The following ZDHHC3 variants were observed in gnomAD, a reference collection of about 807,000 sequenced individuals.
The protein encoded by ZDHHC3 is palmitoyltransferase ZDHHC3.
A neutral mutation model predicts 30.6 loss-of-function variants in ZDHHC3; 9 were observed. The observed-to-expected ratio is 0.29, with a 90% CI of 0.18 to 0.51. The LOEUF is 0.51. ZDHHC3 is among the 20% of genes least tolerant of loss of function. The pLI is 0.97. For synonymous variants in ZDHHC3, 136 were observed against 140.2 expected, an observed-to-expected ratio of 0.97 and a Z score of 0.21; for missense variants, 246 against 384.2, an observed-to-expected ratio of 0.64 and a Z score of 3.01.
intron 1 of ZDHHC3, among the ~76,000 whole-genome samples, chr3:44,965,341 C>A (rs1045647875): frequency 3.9e-5 from 6 of 152,166 alleles, no homozygotes; most frequent in Non-Finnish European, 8.8e-5. Flanking sequence ...GAGTCTGGGG[C>A]TCCATGAGCC....
chr3:44,969,177 C>T (rs1705204379), intron 1 of ZDHHC3, among the ~76,000 whole-genome samples: 1 of 152,190 alleles, frequency 6.6e-6, no homozygotes, highest in African/African-American at 2.4e-5. Flanking sequence ...TCTCATTTGA[C>T]AATGAACTGC....
Position 44,923,288 on chromosome 3 carries a change from G to C in ZDHHC3, c.*3401C>G, listed in dbSNP as rs1271065253. 1 of 944,452 alleles carries C rather than the reference G, an allele frequency of 1.1e-6. No individual in the cohort carries two copies. The highest frequency in any genetic ancestry group is 1.3e-6 in the Non-Finnish European group (1 of 792,884). The allele number at this position is 944,452 out of a possible 1,614,324, so 58.5% of individuals were successfully genotyped here. On this transcript the variant is annotated 3_prime_UTR_variant, in exon 7 of 7. Transcript: ENST00000424952. ...AGACAGGGTTTCACCGTGTTAGCCA[G>C]GATGATCTCGATCTCTTGACCTCGT...
At chr3:44,945,341 C>T in intron 2 of ZDHHC3, 49 bp from the exon 3 acceptor site, 1 of 1,612,478 alleles carries the variant, frequency 6.2e-7, no homozygotes, top group Admixed American at 1.7e-5. Flanking sequence ...GTTCTATCAG[C>T]TCTAACATTC....
rs552299675 is a variant in ZDHHC3, at chr3:44,945,149, C to T, written c.431+19G>A. ...CAGGACAGTGGGAGAAGAGAGGAGG[C>T]GAGCCCCAGTGAGTGTACCTGCAGT... On this transcript the variant is annotated intron_variant, in intron 3 of 6. Coordinates refer to ENST00000424952, the MANE Select transcript of ZDHHC3 (RefSeq NM_001135179.2). The T allele has an allele frequency of 1.7e-5, 27 of 1,613,248 alleles. No homozygotes were observed. The highest frequency in any genetic ancestry group is 6.6e-5 in the South Asian group (6 of 91,016).
chr3:44,925,205 T>C lies in ZDHHC3; in HGVS notation c.*1484A>G. ...AAAATTTTATTGCATTTTGTTTCCA[T>C]GTGGAAGCACTGACAGAATTGAAAA... On this transcript the variant is annotated 3_prime_UTR_variant, in exon 7 of 7. Transcript: ENST00000424952. 1.0e-6 allele frequency: 1 copy of C among 985,900 alleles called. No individual in the cohort carries two copies. The highest frequency in any genetic ancestry group is 1.2e-6 in the Non-Finnish European group (1 of 829,948). The allele number at this position is 985,900 out of a possible 1,614,324, so 61.1% of individuals were successfully genotyped here. A position where few individuals can be genotyped will look rare whatever the true frequency, so the allele number is the denominator to read the frequency against.
Position 44,918,053 on chromosome 3 carries a change from G to T in ZDHHC3, c.*8636C>A. The T allele has an allele frequency of 7.7e-7, 1 of 1,305,430 alleles. No individual in the cohort carries two copies. Among genetic ancestry groups the T allele is most frequent in the Non-Finnish European group, 1.0e-6 (1 of 988,968 alleles). 80.9% of individuals were successfully genotyped at this position (1,305,430 alleles called of 1,614,324 possible). A position where few individuals can be genotyped will look rare whatever the true frequency, so the allele number is the denominator to read the frequency against. The stretch of plus-strand genomic sequence containing the variant: ...CTGGAGAAGGGGTTGAACCAGTTCA[G>T]GGAGAAGTCCCCACCAAAGGTCTCC... On this transcript the variant is annotated 3_prime_UTR_variant, in exon 7 of 7. Transcript: ENST00000424952.
chr3:44,945,251 C>G lies in ZDHHC3; in HGVS notation c.348G>C (p.Glu116Asp), dbSNP rs911957978. Residue 116 changes from glutamate to aspartate, a missense_variant, in exon 3 of 7, where the codon GAG (glutamate) becomes GAC (aspartate). Transcript: ENST00000424952. ...PKGNATKEFIESLQLKPGQVV... is the reference protein window; with the variant it reads ...PKGNATKEFIDSLQLKPGQVV... ...CCTGCCCAGGCTTCAACTGTAAACT[C>G]TCGATGAATTCTTTAGTGGCATTTC... is the stretch of plus-strand genomic sequence containing the variant. 2 of 1,614,220 alleles carry G rather than the reference C, an allele frequency of 1.2e-6. No homozygotes were observed. The highest frequency in any genetic ancestry group is 1.7e-6 in the Non-Finnish European group (2 of 1,180,040).
At chr3:44,974,982 A>G (rs1004454873) in intron 1 of ZDHHC3, among the ~76,000 whole-genome samples, 2 of 151,944 alleles carry the variant, frequency 1.3e-5, no homozygotes, top group Non-Finnish European at 2.9e-5. Context: ...TAAAGGTAGC[A>G]CAAAGCCTAT....
At chr3:44,954,486 T>C (rs1703753341) in intron 2 of ZDHHC3, among the ~76,000 whole-genome samples, 1 of 152,202 alleles carries the variant, frequency 6.6e-6, no homozygotes, top group South Asian at 2.1e-4. Context: ...CAGTAGGCTG[T>C]ACCATCTAGG....
At chr3:44,969,910 C>G (rs188344953) in intron 1 of ZDHHC3, 2 of 152,074 alleles carry the variant, frequency 1.3e-5, no homozygotes, top group East Asian at 4.0e-4. Context: ...AAAAACGCCT[C>G]CCCCCATGCT....
intron 6 of ZDHHC3, among the ~76,000 whole-genome samples, chr3:44,928,939 C>T (rs1044332978): frequency 6.6e-6 from 1 of 152,218 alleles, no homozygotes; most frequent in African/African-American, 2.4e-5. Context: ...GTCAACCACT[C>T]TATTTCAAGC....
At chr3:44,953,422 C>G (rs1575889394) in intron 2 of ZDHHC3, among the ~76,000 whole-genome samples, 1 of 152,140 alleles carries the variant, frequency 6.6e-6, no homozygotes, top group East Asian at 1.9e-4. Flanking sequence ...CAATAAGTAT[C>G]TAGGATAATA....
intron 1 of ZDHHC3, among the ~76,000 whole-genome samples, chr3:44,972,241 T>A (rs1231840263): frequency 6.6e-6 from 1 of 152,140 alleles, no homozygotes; most frequent in African/African-American, 2.4e-5. Context: ...GGCAGGCAGA[T>A]CTCTTGAGGC....
At chr3:44,942,788 GCAGCACC>G (rs1702553480) in intron 3 of ZDHHC3, among the ~76,000 whole-genome samples, 1 of 152,212 alleles carries the variant, frequency 6.6e-6, no homozygotes, top group African/African-American at 2.4e-5. Flanking sequence ...TCAGAAAGAT[GCAGCACC>G]TGGCCGAAGG....
intron 2 of ZDHHC3, among the ~76,000 whole-genome samples, chr3:44,950,359 C>G (rs1703335778): frequency 6.6e-6 from 1 of 152,144 alleles, no homozygotes; most frequent in Non-Finnish European, 1.5e-5. Flanking sequence ...TCCCAGCCAC[C>G]AGAATGTACT....
intron 1 of ZDHHC3, chr3:44,975,460 T>A (rs1361480422): frequency 6.6e-6 from 1 of 152,218 alleles, no homozygotes; most frequent in Non-Finnish European, 1.5e-5. Context: ...CTCCCCCGTC[T>A]GTGGGACAAC....
At chr3:44,948,041 T>A (rs1295783217) in intron 2 of ZDHHC3, among the ~76,000 whole-genome samples, 1 of 152,120 alleles carries the variant, frequency 6.6e-6, no homozygotes, top group Non-Finnish European at 1.5e-5. Context: ...CTGTGTCAGG[T>A]CTACTTCACA....
rs1705974898 is a variant in ZDHHC3, at chr3:44,976,133, G to T, written c.-225C>A. 1.2e-5 allele frequency: 7 copies of T among 591,664 alleles called. No individual in the cohort carries two copies. The East Asian group carries it at 2.5e-4, about 21-fold the overall frequency. The allele number at this position is 591,664 out of a possible 1,614,324, so 36.7% of individuals were successfully genotyped here. On this transcript the variant is annotated 5_prime_UTR_variant, in exon 1 of 7. It adds an upstream start codon to the 5' untranslated region. Coordinates refer to ENST00000424952, the MANE Select transcript of ZDHHC3 (RefSeq NM_001135179.2). Reference sequence around the variant, plus strand: ...AGAAGCCCATCGAGCTCTCCCGGCAGTGGCGGCGGCCGCGGCTGCAGGAGC... The same window carrying T: ...AGAAGCCCATCGAGCTCTCCCGGCATTGGCGGCGGCCGCGGCTGCAGGAGC...
chr3:44,924,689 T>C lies in ZDHHC3; in HGVS notation c.*2000A>G. On this transcript the variant is annotated 3_prime_UTR_variant, in exon 7 of 7. Transcript: ENST00000424952. The stretch of plus-strand genomic sequence containing the variant: ...TGGAGTATTACCAATCTCTTCCCCC[T>C]AGGGGAGGGCCAGAGCTGTAGCCCT... 4 of 985,450 alleles carry C rather than the reference T, an allele frequency of 4.1e-6. No individual in the cohort carries two copies. Among genetic ancestry groups the C allele is most frequent in the Non-Finnish European group, 4.8e-6 (4 of 829,922 alleles). The allele number at this position is 985,450 out of a possible 1,614,324, so 61.0% of individuals were successfully genotyped here.
Sources: gnomAD v4.1 joint callset for allele counts (sites outside exome capture counted in the v4.1 genomes callset) on GRCh38, gnomAD v4.1.1 for gene constraint, MANE v1.5 for transcripts, NCBI Gene and HGNC (gene_info 2026-07-23, HGNC 2026-07-21) for gene names.